The following ZNF184 variants were observed in gnomAD, a reference collection of about 807,000 sequenced individuals.
ZNF184 encodes zinc finger protein 184 (Kruppel-like).
Under a neutral mutation model 54.4 loss-of-function variants are expected in ZNF184, and 16 were observed. The ratio of observed to expected loss-of-function variants is 0.29; its 90% CI spans 0.20 to 0.45. ZNF184 has a LOEUF of 0.45. ZNF184 is among the 20% of genes least tolerant of loss of function. ZNF184 has a pLI of 1.00. For synonymous variants in ZNF184, 254 were observed against 295.3 expected (o/e 0.86, Z 1.43); for missense variants, 681 against 888.2 (o/e 0.77, Z 2.97).
chr6:27,452,282 G>C lies in ZNF184; in HGVS notation c.1277C>G (p.Ala426Gly), dbSNP rs143147469. The C allele has an allele frequency of 2.5e-6, 4 of 1,614,066 alleles. No individual in the cohort carries two copies. Among genetic ancestry groups the C allele is most frequent in the Non-Finnish European group, 3.4e-6 (4 of 1,180,002 alleles). The change falls in exon 6 of 6, where the codon GCC becomes GGC. Residue 426 changes from alanine (A) to glycine (G), a missense_variant. Transcript: ENST00000683788. This position sits in a 1 kb window ranked among gnomAD's most constrained non-coding sequence, Gnocchi z 5.5. ...KPYECNECGKAFSQHSNLTQH... is the reference protein window; with the variant it reads ...KPYECNECGKGFSQHSNLTQH... Reference sequence around the variant, plus strand: ...AGTGAGGTTTGAGTGCTGGCTGAAGGCTTTCCCACATTCATTGCATTCGTA... The same window carrying C: ...AGTGAGGTTTGAGTGCTGGCTGAAGCCTTTCCCACATTCATTGCATTCGTA...
chr6:27,470,709 G>A (rs1407942719), intron 2 of ZNF184, among the ~76,000 whole-genome samples: 1 of 152,094 alleles, frequency 6.6e-6, no homozygotes, highest in Non-Finnish European at 1.5e-5. Flanking sequence ...ACCAAAAACA[G>A]CAACAGTTAC....
chr6:27,407,698 AC>A, the ZNF184 span: 1 of 705,990 alleles, frequency 1.4e-6, no homozygotes, highest in Non-Finnish European at 2.6e-6. Flanking sequence ...CTATTCCTTG[AC>A]CCAAACACAT....
intron 2 of ZNF184, among the ~76,000 whole-genome samples, chr6:27,470,241 C>T (rs1463743259): frequency 6.6e-6 from 1 of 151,004 alleles, no homozygotes; most frequent in African/African-American, 2.4e-5. Flanking sequence ...AGTGTGAAAC[C>T]TGATAGAAAT....
At chr6:27,410,019 A>T in the ZNF184 span, among the ~76,000 whole-genome samples, 4 of 152,246 alleles carry the variant, frequency 2.6e-5, no homozygotes, top group Non-Finnish European at 5.9e-5. Context: ...TGCCTCTAGT[A>T]TTCAGTACAG....
chr6:27,456,824 A>ACCTGC lies in ZNF184; in HGVS notation c.295_298+1dup. On this transcript the variant is annotated splice_donor_variant, in intron 5 of 5. Transcript: ENST00000683788. LOFTEE classifies it high-confidence loss of function. ...ATTCATCTGCTGGCATCCATGACTT[A>ACCTGC]CCTGCACAGGTACCTACTGGAATGC... is the stretch of plus-strand genomic sequence containing the variant. The ACCTGC allele has an allele frequency of 6.2e-7, 1 of 1,613,698 alleles. No homozygotes were observed. The highest frequency in any genetic ancestry group is 1.1e-5 in the South Asian group (1 of 91,000).
the ZNF184 span, among the ~76,000 whole-genome samples, chr6:27,428,088 G>T: frequency 1.3e-5 from 2 of 152,114 alleles, no homozygotes; most frequent in Non-Finnish European, 2.9e-5. This position sits in a 1 kb window ranked among gnomAD's most constrained non-coding sequence, Gnocchi z 4.1. Flanking sequence ...CTACAACTTT[G>T]TCAAAGCTTT....
the ZNF184 span, among the ~76,000 whole-genome samples, chr6:27,441,845 T>C: frequency 3.4e-4 from 52 of 152,350 alleles, no homozygotes; most frequent in African/African-American, 1.2e-3. Flanking sequence ...CAATGAGAAC[T>C]GCAACTATTA....
chr6:27,420,870 T>TA, the ZNF184 span, among the ~76,000 whole-genome samples: 2 of 152,200 alleles, frequency 1.3e-5, no homozygotes, highest in Admixed American at 1.3e-4. Context: ...GGTGAATGTA[T>TA]AAACAGCAGT....
the ZNF184 span, among the ~76,000 whole-genome samples, chr6:27,422,219 A>C: frequency 6.6e-6 from 1 of 150,556 alleles, no homozygotes; most frequent in Non-Finnish European, 1.5e-5. Flanking sequence ...AAAGAAAGAA[A>C]AGAAAAGAAA....
the ZNF184 span, among the ~76,000 whole-genome samples, chr6:27,409,414 G>T: frequency 1.3e-5 from 2 of 149,158 alleles, no homozygotes; most frequent in African/African-American, 4.9e-5. Context: ...CAGGAGAATG[G>T]CATGAACCTG....
Position 27,469,758 on chromosome 6 carries a change from A to G in ZNF184, c.8-1838T>C, listed in dbSNP as rs151319124. ...ATCAAACAGGTAAGGGTCAAGATGG[A>G]TATTTATGACCACACATAGATGTGT... On this transcript the variant is annotated intron_variant, in intron 2 of 5. Coordinates refer to ENST00000683788, the MANE Select transcript of ZNF184 (RefSeq NM_001318891.2). 4.4e-3 allele frequency among the ~76,000 whole-genome samples: 663 copies of G among 152,346 alleles called. 3 individuals carry two copies. Among genetic ancestry groups the G allele is most frequent in the Admixed American group, 5.5e-3 (84 of 15,302 alleles).
At position 27,457,659 on chromosome 6, in the gene ZNF184, ATTG is replaced by A. The variant is rs538792966; in HGVS notation, c.76-253_76-251del. ...TAATAAGTGCTCAGTCAATATGGCCATTGTTGTTGTCCTTCATCGTCATCATTA... is the reference window on the plus strand; with the variant it reads ...TAATAAGTGCTCAGTCAATATGGCCATTGTTGTCCTTCATCGTCATCATTA... On this transcript the variant is annotated intron_variant, in intron 3 of 5. Transcript: ENST00000683788. Among the ~76,000 whole-genome samples the A allele has an allele frequency of 4.1e-3, 620 of 152,306 alleles. 4 individuals are homozygous for A. Among genetic ancestry groups the A allele is most frequent in the African/African-American group, 0.014 (583 of 41,580 alleles).
intron 5 of ZNF184, among the ~76,000 whole-genome samples, chr6:27,454,572 T>C (rs1762809028): frequency 6.6e-6 from 1 of 152,160 alleles, no homozygotes. Context: ...ATGGAGACCA[T>C]GGAGTCTGAT....
Position 27,451,659 on chromosome 6 carries a change from T to C in ZNF184, c.1900A>G (p.Lys634Glu). 6.2e-7 allele frequency: 1 copy of C among 1,614,152 alleles called. No individual in the cohort carries two copies. The highest frequency in any genetic ancestry group is 8.5e-7 in the Non-Finnish European group (1 of 1,179,988). ...RHCSSLAQHQ[K>E]THTEEKPYQC... Reference sequence around the variant, plus strand: ...TAGGGTTTTTCTTCTGTGTGAGTTTTTTGATGTTGAGCAAGAGATGAACAA... The same window carrying C: ...TAGGGTTTTTCTTCTGTGTGAGTTTCTTGATGTTGAGCAAGAGATGAACAA... Residue 634 changes from lysine (K) to glutamate (E), a missense_variant, in exon 6 of 6, where the codon AAA (lysine) becomes GAA (glutamate). Lys to Glu is a moderately conservative substitution (Grantham distance 56). Transcript: ENST00000683788.
chr6:27,431,106 C>T, the ZNF184 span, among the ~76,000 whole-genome samples: 2,990 of 152,306 alleles, frequency 0.02, 42 homozygotes, highest in South Asian at 0.04. Context: ...ATAGACCCAT[C>T]CTTTAATTTT....
chr6:27,465,797 G>C (rs1763120756), intron 3 of ZNF184, among the ~76,000 whole-genome samples: 1 of 152,138 alleles, frequency 6.6e-6, no homozygotes, highest in Non-Finnish European at 1.5e-5. Flanking sequence ...AACAGTCTGA[G>C]ATTTCAATAC....
chr6:27,467,107 A>C (rs1763157660), intron 3 of ZNF184, among the ~76,000 whole-genome samples: 1 of 152,070 alleles, frequency 6.6e-6, no homozygotes, highest in Non-Finnish European at 1.5e-5. Flanking sequence ...CTCCAGCCCC[A>C]CCACCTTACT....
the ZNF184 span, among the ~76,000 whole-genome samples, chr6:27,413,831 T>C: frequency 6.6e-6 from 1 of 152,242 alleles, no homozygotes; most frequent in Non-Finnish European, 1.5e-5. Context: ...GGATCCATGC[T>C]AAGTTTAGGG....
At chr6:27,471,227 C>T (rs1274902778) in intron 2 of ZNF184, among the ~76,000 whole-genome samples, 1 of 152,080 alleles carries the variant, frequency 6.6e-6, no homozygotes, top group Non-Finnish European at 1.5e-5. Context: ...TCATCAAATC[C>T]GCTAGTGGCA....
Sources: allele counts gnomAD v4.1 joint callset (sites outside exome capture counted in the v4.1 genomes callset), GRCh38; gene constraint gnomAD v4.1.1; non-coding constraint Gnocchi (gnomAD v3.1); transcripts MANE v1.5; gene names NCBI Gene and HGNC (gene_info 2026-07-23, HGNC 2026-07-21).